Variants in STRBP observed in about 807,000 individuals in gnomAD.
STRBP encodes the protein spermatid perinuclear RNA-binding protein.
Under a neutral mutation model 80.1 loss-of-function variants are expected in STRBP, and 13 were observed. The observed-to-expected ratio is 0.16, with a 90% confidence interval of 0.11 to 0.26. STRBP has a LOEUF of 0.26. STRBP is among the 10% of genes least tolerant of loss of function. The pLI is 1.00. For missense variants in STRBP, 485 were observed against 815.2 expected (o/e 0.59, Z 4.93); for synonymous variants, 284 against 291.2 (o/e 0.98, Z 0.25).
At chr9:123,146,677 T>C (rs2036827795) in intron 13 of STRBP, among the ~76,000 whole-genome samples, 178 bp downstream of exon 13, 1 of 151,622 alleles carries the variant, frequency 6.6e-6, no homozygotes, top group African/African-American at 2.4e-5. Flanking sequence ...TTTGTAAGAC[T>C]ACCACATATT....
At chr9:123,231,047 T>C (rs1300867796) in intron 2 of STRBP, among the ~76,000 whole-genome samples, 1 of 152,206 alleles carries the variant, frequency 6.6e-6, no homozygotes, top group African/African-American at 2.4e-5. Context: ...TTCAACTCTG[T>C]GTATTATAAG....
In STRBP at chr9:123,169,891, T is replaced by TATATATAC; in HGVS notation, c.535+10_535+11insGTATATAT. On this transcript the variant is annotated intron_variant, in intron 6 of 18. Coordinates refer to ENST00000348403, the MANE Select transcript of STRBP (RefSeq NM_018387.5). ...ATATATACATATATATATATATATA[T>TATATATAC]ACATGTGTACCTCCATCCTTCTTCT... 9 of 1,415,618 alleles carry TATATATAC rather than the reference T, an allele frequency of 6.4e-6. 1 individual carries two copies. Among genetic ancestry groups the TATATATAC allele is most frequent in the Non-Finnish European group, 7.5e-6 (8 of 1,069,602 alleles). 87.7% of individuals were successfully genotyped at this position (1,415,618 alleles called of 1,614,324 possible).
At chr9:123,257,793 G>A (rs993948533) in intron 1 of STRBP, among the ~76,000 whole-genome samples, 12 of 151,582 alleles carry the variant, frequency 7.9e-5, no homozygotes, top group Non-Finnish European at 1.2e-4. Flanking sequence ...CTCCAGCCTG[G>A]GCAACAGAAC....
intron 2 of STRBP, among the ~76,000 whole-genome samples, chr9:123,199,558 A>G (rs969777926): frequency 1.3e-5 from 2 of 152,194 alleles, no homozygotes; most frequent in African/African-American, 4.8e-5. Context: ...AGTTTCTTTC[A>G]GCAGTGCTTT....
chr9:123,208,012 T>G (rs1322016176), intron 2 of STRBP, among the ~76,000 whole-genome samples: 1 of 152,166 alleles, frequency 6.6e-6, no homozygotes, highest in Non-Finnish European at 1.5e-5. Context: ...TACTTTAGCT[T>G]TGGTTTTAGC....
intron 2 of STRBP, among the ~76,000 whole-genome samples, chr9:123,184,755 G>C (rs771182490): frequency 1.3e-5 from 2 of 152,142 alleles, no homozygotes; most frequent in Non-Finnish European, 2.9e-5. Context: ...TGCCATTAAA[G>C]AGTACATGTT....
intron 2 of STRBP, among the ~76,000 whole-genome samples, chr9:123,235,382 C>T (rs1450847642): frequency 1.3e-5 from 2 of 149,736 alleles, no homozygotes; most frequent in African/African-American, 4.9e-5. Context: ...CTTGCAAAAC[C>T]ACTGAAAGAA....
chr9:123,233,966 C>T (rs1014345699), intron 2 of STRBP, among the ~76,000 whole-genome samples: 4 of 151,938 alleles, frequency 2.6e-5, no homozygotes, highest in African/African-American at 9.7e-5. Flanking sequence ...TTTGGGAGGC[C>T]AAGGCGGGCA....
At chr9:123,148,005 T>A in intron 11 of STRBP, 135 bp from the exon 12 acceptor site, 1 of 681,218 alleles carries the variant, frequency 1.5e-6, no homozygotes, top group Non-Finnish European at 2.3e-6. Context: ...ACTGATCAGT[T>A]AAATTACCAT....
chr9:123,149,406 T>A (rs2132359447), intron 11 of STRBP, among the ~76,000 whole-genome samples: 1 of 152,340 alleles, frequency 6.6e-6, no homozygotes, highest in East Asian at 1.9e-4. Flanking sequence ...GTCTATTCAA[T>A]CACTCTTCTG....
chr9:123,236,118 G>A (rs2040554303), intron 2 of STRBP, among the ~76,000 whole-genome samples: 1 of 152,094 alleles, frequency 6.6e-6, no homozygotes, highest in Non-Finnish European at 1.5e-5. Context: ...TGTCAGCAAG[G>A]AGAAAGGACT....
intron 3 of STRBP, among the ~76,000 whole-genome samples, chr9:123,182,032 T>C (rs2038488055): frequency 6.6e-6 from 1 of 150,808 alleles, no homozygotes; most frequent in African/African-American, 2.4e-5. Flanking sequence ...CTGGCCAACA[T>C]GGTGAAACCC....
At chr9:123,182,344 C>T (rs1310508027) in intron 3 of STRBP, among the ~76,000 whole-genome samples, 1 of 149,654 alleles carries the variant, frequency 6.7e-6, no homozygotes, top group Non-Finnish European at 1.5e-5. Context: ...CCAGAAAATA[C>T]TCATCAATTA....
intron 2 of STRBP, among the ~76,000 whole-genome samples, chr9:123,205,374 T>C (rs553990049): frequency 2.6e-5 from 4 of 152,338 alleles, no homozygotes; most frequent in African/African-American, 9.6e-5. Context: ...ACAGTGTCTT[T>C]GATTCTCAAA....
chr9:123,211,663 G>C (rs1164054839), intron 2 of STRBP, among the ~76,000 whole-genome samples: 3 of 152,126 alleles, frequency 2.0e-5, no homozygotes, highest in Non-Finnish European at 4.4e-5. Flanking sequence ...TGGTCTTCCT[G>C]ACTGAAGTAT....
chr9:123,186,438 T>C (rs1588065857), intron 2 of STRBP, among the ~76,000 whole-genome samples: 1 of 152,230 alleles, frequency 6.6e-6, no homozygotes, highest in East Asian at 1.9e-4. Context: ...ATCACCAATA[T>C]GAAAAGTACA....
downstream of STRBP, among the ~76,000 whole-genome samples, chr9:123,117,139 A>T (rs1456233968): frequency 6.6e-6 from 1 of 152,130 alleles, no homozygotes; most frequent in Admixed American, 6.5e-5. Flanking sequence ...AAAGGGCCTG[A>T]GAGAGGACTG....
intron 6 of STRBP, 90 bp from the exon 7 acceptor site, chr9:123,161,158 A>G (rs1564251709): frequency 1.9e-6 from 2 of 1,041,394 alleles, no homozygotes; most frequent in Non-Finnish European, 2.8e-6. Context: ...AAAAAGAATA[A>G]CAGCATTTGA....
chr9:123,148,230 T>G (rs1368901934), intron 11 of STRBP, among the ~76,000 whole-genome samples: 1 of 152,196 alleles, frequency 6.6e-6, no homozygotes, highest in Non-Finnish European at 1.5e-5. Flanking sequence ...GATTAGGTTA[T>G]GAGGGTGGAG....
Sources: allele counts gnomAD v4.1 joint callset (sites outside exome capture counted in the v4.1 genomes callset), GRCh38; gene constraint gnomAD v4.1.1; transcripts MANE v1.5; gene names NCBI Gene and HGNC (gene_info 2026-07-23, HGNC 2026-07-21).